GET4: variants seen among roughly 807,000 people sequenced by gnomAD.
GET4 encodes the protein Golgi to ER traffic protein 4 homolog.
GET4 carries 20 observed loss-of-function variants against 40.0 expected under a neutral mutation model. That is an observed-to-expected ratio of 0.50 (90% confidence interval 0.35 to 0.73). The LOEUF (loss-of-function observed/expected upper bound fraction) is 0.73, where lower values mean the gene tolerates loss of function less well. Among genes scored for constraint, GET4 ranks in the 30% least tolerant of loss-of-function variants. The pLI is 0.01. For synonymous variants in GET4, 280 were observed against 194.6 expected (o/e 1.44, Z -3.65); for missense variants, 557 against 454.0 (o/e 1.23, Z -2.06).
At position 892,368 on chromosome 7, in the gene GET4, T is replaced by C; in HGVS notation, c.696T>C (p.Phe232=). 6.3e-7 allele frequency: 1 copy of C among 1,594,272 alleles called. No homozygotes were observed. The stretch of plus-strand genomic sequence containing the variant: ...CGTCCATCGAGGACGGGCCTCCGTT[T>C]GTGGAGCCGCTGCTTAACTTCATCT... ...KHPSIEDGPP[F]VEPLLNFIWF... The change falls in exon 6 of 9, where the codon TTT becomes TTC. Residue 232 remains phenylalanine (F), a synonymous_variant. Transcript: ENST00000265857.
intron 1 of GET4, 134 bp downstream of exon 1, chr7:876,934 G>T (rs1479366098): frequency 3.2e-6 from 1 of 310,440 alleles, no homozygotes; most frequent in African/African-American, 2.3e-5. Context: ...CAGGGGCCGC[G>T]GGTCGCCCGG....
In GET4 at chr7:876,781, T is replaced by G; in HGVS notation, c.136T>G (p.Tyr46Asp). 7.8e-7 allele frequency: 1 copy of G among 1,279,310 alleles called. No homozygotes were observed. Among genetic ancestry groups the G allele is most frequent in the Non-Finnish European group, 1.0e-6 (1 of 998,426 alleles). 79.2% of individuals were successfully genotyped at this position (1,279,310 alleles called of 1,614,324 possible). Residue 46 changes from tyrosine to aspartate, a missense_variant, in exon 1 of 9, where the codon TAC becomes GAC. By Grantham distance (160) the Tyr-to-Asp change is radical (BLOSUM62 -3). Coordinates refer to ENST00000265857, the MANE Select transcript of GET4 (RefSeq NM_015949.3). The stretch of plus-strand genomic sequence containing the variant: ...CGACTACTACGAGGCGCACCAGATG[T>G]ACCGGACCCTGTTCTTCAGGTACCC... ...KGDYYEAHQM[Y>D]RTLFFRYMSQ... is the part of the protein sequence containing the mutation.
intron 1 of GET4, chr7:883,538 A>T: frequency 2.0e-6 from 2 of 985,354 alleles, no homozygotes; most frequent in Non-Finnish European, 1.2e-6. Context: ...CTCTGTGGAT[A>T]CAGATGTTTT....
At chr7:891,152 G>C in intron 5 of GET4, 86 bp downstream of exon 5, 1 of 1,052,300 alleles carries the variant, frequency 9.5e-7, no homozygotes, top group East Asian at 2.5e-5. Flanking sequence ...TCCCCTGTCC[G>C]AGCCGAGCTG....
At chr7:882,688 G>A (rs1468644874) in intron 1 of GET4, 2 of 152,106 alleles carry the variant, frequency 1.3e-5, no homozygotes, top group South Asian at 2.0e-4. Flanking sequence ...ACCTTGCCCC[G>A]GGGATGGCGC....
At chr7:888,819 C>T (rs141786943) in intron 4 of GET4, among the ~76,000 whole-genome samples, 38 of 152,368 alleles carry the variant, frequency 2.5e-4, no homozygotes, top group Non-Finnish European at 4.7e-4. Flanking sequence ...TCCTGCATAG[C>T]GAACTGCCAC....
chr7:883,523 C>G (rs1844127172), intron 1 of GET4: 2 of 985,270 alleles, frequency 2.0e-6, no homozygotes, highest in South Asian at 4.7e-5. Flanking sequence ...TGCCCAGACA[C>G]TTTGCTCTGT....
Position 876,627 on chromosome 7 carries a change from T to C in GET4, c.-19T>C, listed in dbSNP as rs1365615015. The C allele has an allele frequency of 8.2e-7, 1 of 1,225,492 alleles. No homozygotes were observed. Among genetic ancestry groups the C allele is most frequent in the Non-Finnish European group, 1.0e-6 (1 of 978,526 alleles). 75.9% of individuals were successfully genotyped at this position (1,225,492 alleles called of 1,614,324 possible). The stretch of plus-strand genomic sequence containing the variant: ...ACCGCGCCTGCGACAGCGTCAGCCC[T>C]GCGCGGAGCGCCGGCCCGATGGCGG... On this transcript the variant is annotated 5_prime_UTR_variant, in exon 1 of 9. Transcript: ENST00000265857.
intron 1 of GET4, chr7:881,575 G>A (rs768582155): frequency 2.0e-5 from 3 of 152,114 alleles, no homozygotes; most frequent in African/African-American, 7.2e-5. Flanking sequence ...TTCAGCTGTC[G>A]GGTAAATTTA....
chr7:892,522 T>C (rs748410907), intron 6 of GET4, 104 bp downstream of exon 6: 10 of 1,285,188 alleles, frequency 7.8e-6, no homozygotes, highest in Non-Finnish European at 1.1e-5. Context: ...GTAGCCATGG[T>C]GTGGGTAGCC....
At chr7:878,997 C>T (rs1159624917) in intron 1 of GET4, among the ~76,000 whole-genome samples, 1 of 152,164 alleles carries the variant, frequency 6.6e-6, no homozygotes, top group Non-Finnish European at 1.5e-5. Flanking sequence ...AGTAGAGTCC[C>T]TCAGGGACCC....
Position 896,270 on chromosome 7 carries a change from G to T in GET4, c.*848G>T, listed in dbSNP as rs146946478. The T allele has an allele frequency of 6.6e-6, 1 of 152,334 alleles. No individual in the cohort carries two copies. The highest frequency in any genetic ancestry group is 1.5e-5 in the Non-Finnish European group (1 of 68,036). 9.4% of individuals were successfully genotyped at this position (152,334 alleles called of 1,614,324 possible). ...ATGCTACTCCAAATGTTACCAGAAC[G>T]ATGACAAAAGGGGAGACGCTCTATT... On this transcript the variant is annotated 3_prime_UTR_variant, in exon 9 of 9. Transcript: ENST00000265857.
chr7:895,532 G>C lies in GET4; in HGVS notation c.*110G>C, dbSNP rs550351705. 3.5e-6 allele frequency: 2 copies of C among 573,332 alleles called. No individual in the cohort carries two copies. Among genetic ancestry groups the C allele is most frequent in the African/African-American group, 1.9e-5 (1 of 52,108 alleles). The allele number at this position is 573,332 out of a possible 1,614,324, so 35.5% of individuals were successfully genotyped here. On this transcript the variant is annotated 3_prime_UTR_variant, in exon 9 of 9. Coordinates refer to ENST00000265857, the MANE Select transcript of GET4 (RefSeq NM_015949.3). ...GGGGGCTCCTGGCCCTGAGGCTGGC[G>C]GTGGCCGCATGCCGGCGCGTGTCTG...
At chr7:893,652 G>A in intron 6 of GET4, 88 bp from the exon 7 acceptor site, 2 of 800,374 alleles carry the variant, frequency 2.5e-6, no homozygotes, top group Admixed American at 2.0e-5. Flanking sequence ...GTGTGCAGGT[G>A]AGTGTTGGGC....
chr7:883,428 C>A, intron 1 of GET4: 1 of 780,610 alleles, frequency 1.3e-6, no homozygotes, highest in Non-Finnish European at 1.6e-6. Flanking sequence ...CACCGACAGT[C>A]TCGGCCACTA....
chr7:878,120 A>G, intron 1 of GET4: 1 of 368,158 alleles, frequency 2.7e-6, no homozygotes, highest in Non-Finnish European at 5.7e-6. Context: ...CCGCCTCTGG[A>G]CCTAGGCTCG....
At chr7:890,710 G>A (rs188867814) in intron 4 of GET4, among the ~76,000 whole-genome samples, 1 of 152,182 alleles carries the variant, frequency 6.6e-6, no homozygotes, top group African/African-American at 2.4e-5. Flanking sequence ...ATGTTGCATA[G>A]CTGAGTGACT....
intron 4 of GET4, among the ~76,000 whole-genome samples, chr7:888,191 G>C (rs769716173): frequency 4.6e-5 from 7 of 152,320 alleles, no homozygotes; most frequent in Non-Finnish European, 1.0e-4. Flanking sequence ...ACCCAGGGCA[G>C]CCCCCGCATT....
At chr7:892,883 T>C (rs967588873) in intron 6 of GET4, among the ~76,000 whole-genome samples, 3 of 150,238 alleles carry the variant, frequency 2.0e-5, no homozygotes, top group African/African-American at 7.4e-5. Context: ...GTGTGTTGTG[T>C]GTAGACGTGT....
Sources: allele counts gnomAD v4.1 joint callset (sites outside exome capture counted in the v4.1 genomes callset), GRCh38; gene constraint gnomAD v4.1.1; transcripts MANE v1.5; gene names NCBI Gene and HGNC (gene_info 2026-07-23, HGNC 2026-07-21).